Variants in AFF3 observed in about 807,000 individuals in gnomAD.
The protein encoded by AFF3 is AF4/FMR2 family member 3.
Under a neutral mutation model 129.7 loss-of-function variants are expected in AFF3, and 32 were observed. That is an observed-to-expected ratio of 0.25 (90% CI 0.19 to 0.33). The LOEUF (loss-of-function observed/expected upper bound fraction) is 0.33, where lower values mean the gene tolerates loss of function less well. AFF3 is among the 10% of genes least tolerant of loss of function. AFF3 has a pLI of 1.00. For synonymous variants in AFF3, 644 were observed against 635.4 expected (o/e 1.01, Z -0.20); for missense variants, 1,373 against 1,592.0 (o/e 0.86, Z 2.34).
At chr2:100,121,006 A>G (rs1691941151) in intron 2 of AFF3, among the ~76,000 whole-genome samples, 1 of 152,198 alleles carries the variant, frequency 6.6e-6, no homozygotes, top group Non-Finnish European at 1.5e-5. Context: ...GGGACTGTGA[A>G]TGTCAAGGTT....
intron 19 of AFF3, among the ~76,000 whole-genome samples, chr2:99,567,776 G>A (rs1334725787): frequency 2.0e-5 from 3 of 152,202 alleles, no homozygotes; most frequent in Admixed American, 6.5e-5. Context: ...ATCGTCAACA[G>A]GAAAGATAGG....
chr2:100,123,264 G>A (rs1467558776), intron 2 of AFF3, among the ~76,000 whole-genome samples: 2 of 152,202 alleles, frequency 1.3e-5, no homozygotes, highest in African/African-American at 2.4e-5. Context: ...CCTTCTGACT[G>A]TAAGCGAAGT....
intron 4 of AFF3, among the ~76,000 whole-genome samples, chr2:100,009,966 C>G (rs1682363960): frequency 6.6e-6 from 1 of 152,214 alleles, no homozygotes; most frequent in Non-Finnish European, 1.5e-5. Context: ...CTGCTTCCAG[C>G]TCCCACTTGG....
chr2:99,714,525 A>G (rs1678199398), intron 11 of AFF3, among the ~76,000 whole-genome samples: 1 of 152,180 alleles, frequency 6.6e-6, no homozygotes, highest in Admixed American at 6.5e-5. Flanking sequence ...AAACAGATAC[A>G]AAAAGGAGGT....
intron 11 of AFF3, among the ~76,000 whole-genome samples, chr2:99,682,719 C>T (rs1378009847): frequency 1.3e-5 from 2 of 152,214 alleles, no homozygotes; most frequent in Admixed American, 1.3e-4. Flanking sequence ...GGCCTGGGAA[C>T]TACATTTCCC....
At chr2:100,136,810 A>C (rs944863516) in intron 1 of AFF3, among the ~76,000 whole-genome samples, 8 of 152,312 alleles carry the variant, frequency 5.3e-5, no homozygotes, top group Admixed American at 2.6e-4. Flanking sequence ...CTTTTAAAAT[A>C]AAAATTGGTT....
chr2:100,000,927 A>T (rs1681340178), intron 7 of AFF3, among the ~76,000 whole-genome samples: 1 of 152,218 alleles, frequency 6.6e-6, no homozygotes, highest in Non-Finnish European at 1.5e-5. Flanking sequence ...GAAAGACACA[A>T]GCTTTTCTCA....
At chr2:100,131,021 G>A (rs920322803) in intron 1 of AFF3, among the ~76,000 whole-genome samples, 43 of 152,134 alleles carry the variant, frequency 2.8e-4, no homozygotes, top group African/African-American at 9.4e-4. Flanking sequence ...TCAGCTCCAC[G>A]TTTCTCTAGC....
intron 7 of AFF3, among the ~76,000 whole-genome samples, chr2:99,917,594 C>A (rs1695560156): frequency 6.6e-6 from 1 of 152,118 alleles, no homozygotes; most frequent in African/African-American, 2.4e-5. Flanking sequence ...TATAATCATA[C>A]ATCATATCAT....
chr2:99,695,129 ACTG>A (rs1329350389), intron 11 of AFF3, among the ~76,000 whole-genome samples: 1 of 152,228 alleles, frequency 6.6e-6, no homozygotes, highest in Non-Finnish European at 1.5e-5. Context: ...TACTTATGAT[ACTG>A]CTTACATTAT....
At chr2:99,864,487 G>A (rs1454571280) in intron 7 of AFF3, among the ~76,000 whole-genome samples, 2 of 152,188 alleles carry the variant, frequency 1.3e-5, no homozygotes, top group Non-Finnish European at 2.9e-5. Context: ...TAGACTTGTA[G>A]GCTGGGAGAA....
intron 11 of AFF3, among the ~76,000 whole-genome samples, chr2:99,696,381 C>T (rs1015198634): frequency 2.0e-5 from 3 of 152,066 alleles, no homozygotes; most frequent in South Asian, 2.1e-4. Flanking sequence ...AATTTTAAGT[C>T]GGTTTATCTA....
intron 7 of AFF3, among the ~76,000 whole-genome samples, chr2:99,982,402 A>G (rs914361462): frequency 1.3e-5 from 2 of 152,290 alleles, no homozygotes; most frequent in South Asian, 4.1e-4. Context: ...GCCTTCCGCC[A>G]TGATTGTGAG....
At position 100,007,140 on chromosome 2, in the gene AFF3, G is replaced by C; in HGVS notation, c.487+8C>G. ...TGTGCAAATCAAGCAACCTGTGCCT[G>C]TGCTTACTTGCTCTCTGTTGGCCGT... On this transcript the variant is annotated splice_region_variant and intron_variant, in intron 6 of 24. Transcript: ENST00000672756. The C allele has an allele frequency of 6.2e-7, 1 of 1,613,720 alleles. No homozygotes were observed. Among genetic ancestry groups the C allele is most frequent in the Non-Finnish European group, 8.5e-7 (1 of 1,179,748 alleles).
intron 14 of AFF3, among the ~76,000 whole-genome samples, chr2:99,599,251 CT>C (rs1221625464): frequency 6.6e-6 from 1 of 152,192 alleles, no homozygotes; most frequent in African/African-American, 2.4e-5. Context: ...CTGTACTGCT[CT>C]TTTTTTCTTT....
intron 4 of AFF3, among the ~76,000 whole-genome samples, chr2:100,029,883 G>C (rs1684351122): frequency 6.6e-6 from 1 of 152,044 alleles, no homozygotes; most frequent in African/African-American, 2.4e-5. Context: ...TGAGCAACAT[G>C]GCGAAACGCT....
intron 7 of AFF3, among the ~76,000 whole-genome samples, chr2:99,861,685 T>G (rs1212362551): frequency 6.6e-6 from 1 of 152,174 alleles, no homozygotes; most frequent in East Asian, 1.9e-4. Context: ...TGGACATAAT[T>G]AATGTATATG....
chr2:99,620,293 C>T (rs1042818793), intron 13 of AFF3, among the ~76,000 whole-genome samples: 4 of 152,022 alleles, frequency 2.6e-5, no homozygotes, highest in African/African-American at 4.8e-5. Context: ...TTCTGTGGTC[C>T]GTCACTTCTA....
At chr2:100,004,956 C>A (rs1423976561) in intron 7 of AFF3, among the ~76,000 whole-genome samples, 2 of 151,882 alleles carry the variant, frequency 1.3e-5, no homozygotes, top group African/African-American at 2.4e-5. Flanking sequence ...TTGAAATATT[C>A]AGGACAAAAA....
Sources: gnomAD v4.1 joint callset for allele counts (sites outside exome capture counted in the v4.1 genomes callset) on GRCh38, gnomAD v4.1.1 for gene constraint, MANE v1.5 for transcripts, NCBI Gene and HGNC (gene_info 2026-07-23, HGNC 2026-07-21) for gene names.